The following CFAP47 variants were observed in gnomAD, a reference collection of about 807,000 sequenced individuals.
CFAP47 encodes the protein cilia and flagella associated protein 47.
Under a neutral mutation model 148.1 loss-of-function variants are expected in CFAP47, and 29 were observed. That is an observed-to-expected ratio of 0.20 (90% CI 0.15 to 0.27). The LOEUF (loss-of-function observed/expected upper bound fraction) is 0.27. Ranked by LOEUF, CFAP47 falls within the 10% of genes least tolerant of loss-of-function variation. The pLI, the probability that CFAP47 is intolerant of heterozygous loss-of-function variation, is 1.00. For missense variants in CFAP47, 1,872 were observed against 1,697.5 expected (o/e 1.10, Z -1.81); for synonymous variants, 664 against 577.3 (o/e 1.15, Z -2.15).
intron 25 of CFAP47, among the ~76,000 whole-genome samples, chrX:36,044,538 A>G (rs1332299401): frequency 8.9e-6 from 1 of 112,268 alleles, no homozygotes; most frequent in African/African-American, 3.2e-5. Context: ...TCAAATTTCC[A>G]CAGATCTCTA....
intron 45 of CFAP47, among the ~76,000 whole-genome samples, chrX:36,222,643 T>A (rs1428475107): frequency 9.0e-6 from 1 of 110,715 alleles, no homozygotes; most frequent in Admixed American, 9.7e-5. Flanking sequence ...TACAAATTTT[T>A]TACAAAATAA....
rs1401791443 is a variant in CFAP47, at chrX:36,286,601, A to G, written c.7686+875A>G. Among the ~76,000 whole-genome samples the G allele has an allele frequency of 3.6e-5, 4 of 111,645 alleles. No homozygotes were observed. The East Asian group carries it at 1.1e-3, about 32-fold the overall frequency. On this transcript the variant is annotated intron_variant, in intron 51 of 63. Coordinates refer to ENST00000378653, the MANE Select transcript of CFAP47 (RefSeq NM_001304548.2). ...TAAGTGGAAAACTATTTAATATGACAGTAGGATCATTTCACTCAATGAAAA... is the reference window on the plus strand; with the variant it reads ...TAAGTGGAAAACTATTTAATATGACGGTAGGATCATTTCACTCAATGAAAA...
chrX:36,363,504 C>A (rs1941846086), intron 61 of CFAP47, among the ~76,000 whole-genome samples: 1 of 111,470 alleles, frequency 9.0e-6, no homozygotes, highest in African/African-American at 3.3e-5. Context: ...ATGTACAGTT[C>A]ATCATTGACC....
intron 15 of CFAP47, among the ~76,000 whole-genome samples, chrX:35,983,252 A>G (rs1211403100): frequency 1.8e-5 from 2 of 111,290 alleles, no homozygotes; most frequent in Non-Finnish European, 1.9e-5. Context: ...CTCAGCTTAG[A>G]CATTGTTGTT....
intron 53 of CFAP47, among the ~76,000 whole-genome samples, chrX:36,303,436 C>T (rs1300869575): frequency 9.0e-6 from 1 of 110,923 alleles, no homozygotes; most frequent in Non-Finnish European, 1.9e-5. Context: ...CCTCCAGACT[C>T]AGCTTCCCAA....
At chrX:36,156,371 G>T (rs1260914906) in intron 37 of CFAP47, among the ~76,000 whole-genome samples, 1 of 111,155 alleles carries the variant, frequency 9.0e-6, no homozygotes, top group Non-Finnish European at 1.9e-5. Flanking sequence ...TACTTATATA[G>T]AAAATGTTAA....
intron 2 of CFAP47, among the ~76,000 whole-genome samples, chrX:35,932,578 C>G (rs1049568913): frequency 9.1e-6 from 1 of 109,921 alleles, no homozygotes; most frequent in African/African-American, 3.3e-5. Context: ...TTCTGATACT[C>G]CAAGATTCTC....
chrX:36,284,236 T>C (rs1222243926), intron 50 of CFAP47, among the ~76,000 whole-genome samples: 2 of 111,543 alleles, frequency 1.8e-5, no homozygotes, highest in Admixed American at 9.6e-5. Context: ...AATGAACTGA[T>C]GTCTGAAAAA....
At chrX:36,053,762 C>T (rs779208975) in intron 26 of CFAP47, among the ~76,000 whole-genome samples, 15 of 112,093 alleles carry the variant, frequency 1.3e-4, no homozygotes, top group East Asian at 2.8e-4. Flanking sequence ...TATAAATATA[C>T]GATGTTCATA....
chrX:36,144,491 T>C, intron 35 of CFAP47: 1 of 929,447 alleles, frequency 1.1e-6, no homozygotes, highest in Non-Finnish European at 1.4e-6. Flanking sequence ...TCTTATTTGA[T>C]GGTTAATATT....
chrX:36,037,939 C>A (rs1339871852), intron 24 of CFAP47, among the ~76,000 whole-genome samples: 2 of 111,376 alleles, frequency 1.8e-5, no homozygotes, highest in African/African-American at 6.5e-5. Context: ...CATAGTCTTT[C>A]CAGTACTCAT....
intron 26 of CFAP47, among the ~76,000 whole-genome samples, chrX:36,057,151 C>A (rs1937561131): frequency 9.0e-6 from 1 of 111,532 alleles, no homozygotes; most frequent in African/African-American, 3.3e-5. Context: ...ATTTCTCCAT[C>A]CATCCATACA....
At chrX:36,230,448 G>C (rs782632415) in intron 46 of CFAP47, among the ~76,000 whole-genome samples, 1 of 107,673 alleles carries the variant, frequency 9.3e-6, no homozygotes, top group African/African-American at 3.5e-5. Flanking sequence ...CCCACTTTTT[G>C]ATGGGGTTGT....
At chrX:36,133,140 A>G (rs1010477919) in intron 33 of CFAP47, among the ~76,000 whole-genome samples, 1 of 111,261 alleles carries the variant, frequency 9.0e-6, no homozygotes, top group African/African-American at 3.3e-5. Context: ...GTGAGAGATC[A>G]TGAAACTCCT....
At chrX:36,173,145 A>G (rs1354256874) in intron 39 of CFAP47, among the ~76,000 whole-genome samples, 2 of 111,269 alleles carry the variant, frequency 1.8e-5, no homozygotes, top group Non-Finnish European at 3.8e-5. Context: ...CAGTGGTGAT[A>G]TTCCCTTTAT....
intron 9 of CFAP47, 63 bp from the exon 10 acceptor site, chrX:35,967,555 GT>G: frequency 1.2e-6 from 1 of 832,974 alleles, no homozygotes; most frequent in Non-Finnish European, 1.7e-6. Context: ...TTAATTCATG[GT>G]TATTGTTTTT....
chrX:36,091,987 C>T (rs964965456), intron 30 of CFAP47, among the ~76,000 whole-genome samples: 9 of 110,663 alleles, frequency 8.1e-5, no homozygotes, highest in African/African-American at 1.6e-4. Flanking sequence ...TCTGAATCTC[C>T]GTTAGGAAAT....
chrX:36,032,667 A>G (rs1466574891), intron 23 of CFAP47, among the ~76,000 whole-genome samples: 1 of 111,421 alleles, frequency 9.0e-6, no homozygotes, highest in Non-Finnish European at 1.9e-5. Context: ...TCAAAAGACA[A>G]TATCTGAAGC....
chrX:36,030,499 G>A (rs1024648390), intron 22 of CFAP47, among the ~76,000 whole-genome samples: 2 of 110,997 alleles, frequency 1.8e-5, no homozygotes, highest in Admixed American at 1.9e-4. Context: ...AGTAACACAA[G>A]GATGAACACT....
Sources: allele counts gnomAD v4.1 joint callset (sites outside exome capture counted in the v4.1 genomes callset), GRCh38; gene constraint gnomAD v4.1.1; transcripts MANE v1.5; gene names NCBI Gene and HGNC (gene_info 2026-07-23, HGNC 2026-07-21).